MALRD1: variants seen among roughly 807,000 people sequenced by gnomAD.
MALRD1 encodes MAM and LDL receptor class A domain containing 1.
MALRD1 carries 247 observed loss-of-function variants against 242.1 expected under a neutral mutation model. That is an observed-to-expected ratio of 1.02 (90% CI 0.92 to 1.13). The LOEUF is 1.13. MALRD1 is among the 50% of genes most tolerant of loss of function. The probability of loss-of-function intolerance (pLI) is 0.00; values close to 1 mark genes in which losing one functional copy is unlikely to be tolerated. For synonymous variants in MALRD1, 995 were observed against 866.6 expected (o/e 1.15, Z -2.60); for missense variants, 2,989 against 2,533.1 (o/e 1.18, Z -3.86).
At chr10:19,102,126 A>G (rs1349299596) in intron 4 of MALRD1, among the ~76,000 whole-genome samples, 1 of 145,928 alleles carries the variant, frequency 6.9e-6, no homozygotes, top group Non-Finnish European at 1.5e-5. Context: ...TATAAATTAT[A>G]TAATATATAT....
chr10:19,304,464 C>G (rs1013670127), intron 21 of MALRD1, among the ~76,000 whole-genome samples: 1 of 151,678 alleles, frequency 6.6e-6, no homozygotes, highest in South Asian at 2.1e-4. Context: ...TTCAAAATTA[C>G]ATTTGTACAA....
chr10:19,388,254 A>G (rs1310624570), intron 27 of MALRD1, among the ~76,000 whole-genome samples: 1 of 152,188 alleles, frequency 6.6e-6, no homozygotes, highest in African/African-American at 2.4e-5. Context: ...GATCATCAGC[A>G]AAAACCCTAT....
chr10:19,149,696 T>C (rs1015875007), intron 11 of MALRD1, among the ~76,000 whole-genome samples: 1 of 152,212 alleles, frequency 6.6e-6, no homozygotes, highest in Non-Finnish European at 1.5e-5. Flanking sequence ...GATAAAGTAT[T>C]GGTTAAATGT....
chr10:19,274,490 C>T (rs1332856272), intron 19 of MALRD1, among the ~76,000 whole-genome samples: 1 of 152,140 alleles, frequency 6.6e-6, no homozygotes, highest in Non-Finnish European at 1.5e-5. Flanking sequence ...TGCTTTTTCT[C>T]TCCCTATTCT....
chr10:19,206,787 G>A (rs999457687), intron 17 of MALRD1, among the ~76,000 whole-genome samples: 1 of 152,180 alleles, frequency 6.6e-6, no homozygotes, highest in Non-Finnish European at 1.5e-5. Context: ...AAGTTTGAGT[G>A]TGCAGTCAGC....
chr10:19,300,712 A>T (rs527759954), intron 21 of MALRD1, among the ~76,000 whole-genome samples: 1 of 152,166 alleles, frequency 6.6e-6, no homozygotes, highest in African/African-American at 2.4e-5. Context: ...AACCAACTCA[A>T]TGTGGATTAA....
chr10:19,573,613 G>T (rs764016684), intron 33 of MALRD1, among the ~76,000 whole-genome samples: 3 of 151,852 alleles, frequency 2.0e-5, no homozygotes, highest in African/African-American at 7.3e-5. Context: ...TTTTCCTTAC[G>T]CTTACTACTC....
intron 36 of MALRD1, among the ~76,000 whole-genome samples, chr10:19,644,660 T>C (rs1840567411): frequency 6.6e-6 from 1 of 152,218 alleles, no homozygotes; most frequent in Non-Finnish European, 1.5e-5. Context: ...ATATAACATA[T>C]AATAATATAA....
chr10:19,401,061 A>G (rs1846816472), intron 28 of MALRD1, among the ~76,000 whole-genome samples: 1 of 152,008 alleles, frequency 6.6e-6, no homozygotes, highest in African/African-American at 2.4e-5. Context: ...AAAGGAGAAC[A>G]TTATTTCAAA....
At chr10:19,243,233 T>G (rs1223286864) in intron 18 of MALRD1, among the ~76,000 whole-genome samples, 1 of 151,954 alleles carries the variant, frequency 6.6e-6, no homozygotes, top group Non-Finnish European at 1.5e-5. Context: ...ATTTATATTT[T>G]TGTTACCTTA....
At chr10:19,487,079 A>G (rs1460882068) in intron 29 of MALRD1, among the ~76,000 whole-genome samples, 1 of 152,056 alleles carries the variant, frequency 6.6e-6, no homozygotes, top group African/African-American at 2.4e-5. Context: ...TAAATATTCT[A>G]GTTTTTTCAT....
At chr10:19,567,756 T>C (rs1236989374) in intron 33 of MALRD1, 53 bp downstream of exon 33, 5 of 1,411,562 alleles carry the variant, frequency 3.5e-6, no homozygotes, top group African/African-American at 1.4e-5. Flanking sequence ...AGTATCTAAA[T>C]ATACTAAAGA....
intron 28 of MALRD1, among the ~76,000 whole-genome samples, chr10:19,432,627 G>A (rs1834182234): frequency 6.6e-6 from 1 of 152,174 alleles, no homozygotes; most frequent in Non-Finnish European, 1.5e-5. Flanking sequence ...ATTGTGATAG[G>A]AAGACAGACA....
At chr10:19,323,687 C>T (rs1163408521) in intron 21 of MALRD1, among the ~76,000 whole-genome samples, 1 of 152,178 alleles carries the variant, frequency 6.6e-6, no homozygotes. Flanking sequence ...CAGCTCACTG[C>T]AACCTGCACT....
intron 33 of MALRD1, among the ~76,000 whole-genome samples, chr10:19,569,365 C>G (rs1233951993): frequency 6.6e-6 from 1 of 151,732 alleles, no homozygotes; most frequent in Non-Finnish European, 1.5e-5. Context: ...TTTTTGTGTC[C>G]TTTGAATAGA....
chr10:19,518,049 T>C (rs1280132631), intron 31 of MALRD1, among the ~76,000 whole-genome samples: 1 of 152,236 alleles, frequency 6.6e-6, no homozygotes, highest in Non-Finnish European at 1.5e-5. Flanking sequence ...AGAAGCACTT[T>C]AGGGAATCCC....
intron 18 of MALRD1, among the ~76,000 whole-genome samples, chr10:19,253,929 C>T (rs1184713687): frequency 6.6e-6 from 1 of 151,886 alleles, no homozygotes; most frequent in Non-Finnish European, 1.5e-5. Flanking sequence ...GTGGTTTCCC[C>T]CATACTGTTC....
intron 13 of MALRD1, among the ~76,000 whole-genome samples, chr10:19,171,548 A>C (rs927958327): frequency 2.8e-5 from 4 of 142,188 alleles, no homozygotes; most frequent in Non-Finnish European, 6.2e-5. Context: ...ATATATGTCT[A>C]TGTGTGTATA....
intron 28 of MALRD1, among the ~76,000 whole-genome samples, chr10:19,442,427 C>A (rs1030977165): frequency 6.6e-6 from 1 of 152,142 alleles, no homozygotes; most frequent in African/African-American, 2.4e-5. Context: ...CCAGTGTTTG[C>A]TCATTCAGTA....
Sources: gnomAD v4.1 joint callset for allele counts (sites outside exome capture counted in the v4.1 genomes callset) on GRCh38, gnomAD v4.1.1 for gene constraint, MANE v1.5 for transcripts, NCBI Gene and HGNC (gene_info 2026-07-23, HGNC 2026-07-21) for gene names.